Variants in FAM118A observed in about 807,000 individuals in gnomAD.
The protein encoded by FAM118A is protein FAM118A.
Under a neutral mutation model 38.2 loss-of-function variants are expected in FAM118A, and 25 were observed. The ratio of observed to expected loss-of-function variants is 0.65; its 90% CI spans 0.48 to 0.91. The LOEUF (loss-of-function observed/expected upper bound fraction) is 0.91. Among genes scored for constraint, FAM118A ranks in the 40% least tolerant of loss-of-function variants. FAM118A has a pLI of 0.00. For missense variants in FAM118A, 425 were observed against 463.3 expected, an observed-to-expected ratio of 0.92 and a Z score of 0.76; for synonymous variants, 178 against 184.1, an observed-to-expected ratio of 0.97 and a Z score of 0.27.
chr22:45,335,733 C>G (rs902682920), intron 7 of FAM118A, among the ~76,000 whole-genome samples: 1 of 152,252 alleles, frequency 6.6e-6, no homozygotes, highest in South Asian at 2.1e-4. Flanking sequence ...CCCAGCTCTT[C>G]CGAAATGTTC....
At chr22:45,310,457 C>A (rs764116341) in intron 1 of FAM118A, among the ~76,000 whole-genome samples, 1 of 152,116 alleles carries the variant, frequency 6.6e-6, no homozygotes, top group African/African-American at 2.4e-5. Context: ...TCTCGAGGTT[C>A]CCTTGGGACT....
chr22:45,326,642 C>G (rs1489391542), intron 3 of FAM118A, among the ~76,000 whole-genome samples: 1 of 151,924 alleles, frequency 6.6e-6, no homozygotes, highest in Admixed American at 6.6e-5. Context: ...GCCTGGCCAA[C>G]ATGGTGAAAC....
chr22:45,330,738 C>T lies in FAM118A; in HGVS notation c.651+7C>T, dbSNP rs779540863. On this transcript the variant is annotated splice_region_variant and intron_variant, in intron 5 of 8. Coordinates refer to ENST00000441876, the MANE Select transcript of FAM118A (RefSeq NM_017911.4). The stretch of plus-strand genomic sequence containing the variant: ...TCAAGACGCAGAAGTCATGGTACGG[C>T]CCGTCCTAATTAGCATCGGTGCGTC... The T allele has an allele frequency of 7.7e-6, 12 of 1,551,016 alleles. No individual in the cohort carries two copies. The highest frequency in any genetic ancestry group is 1.7e-4 in the Middle Eastern group (1 of 5,790).
chr22:45,326,620 A>T (rs1319505405), intron 3 of FAM118A, among the ~76,000 whole-genome samples: 1 of 152,028 alleles, frequency 6.6e-6, no homozygotes, highest in Non-Finnish European at 1.5e-5. Flanking sequence ...TGAGGTCAGG[A>T]GTTTGAGACC....
At position 45,330,407 on chromosome 22, in the gene FAM118A, G is replaced by A. The variant is rs369093099; in HGVS notation, c.523-196G>A. 5.4e-5 allele frequency: 24 copies of A among 444,630 alleles called. 1 individual carries two copies. The highest frequency in any genetic ancestry group is 4.8e-4 in the East Asian group (11 of 23,150). 27.5% of individuals were successfully genotyped at this position (444,630 alleles called of 1,614,324 possible). A position where few individuals can be genotyped will look rare whatever the true frequency, so the allele number is the denominator to read the frequency against. ...CAGGTTTTACAGGTGTGACTGTACCGTCGTAGGACGGGAATAACTAGGGCT... is the reference window on the plus strand; with the variant it reads ...CAGGTTTTACAGGTGTGACTGTACCATCGTAGGACGGGAATAACTAGGGCT... On this transcript the variant is annotated intron_variant, in intron 4 of 8. Transcript: ENST00000441876.
At chr22:45,316,089 G>T (rs1006888044) in intron 1 of FAM118A, among the ~76,000 whole-genome samples, 1 of 152,308 alleles carries the variant, frequency 6.6e-6, no homozygotes, top group East Asian at 1.9e-4. Flanking sequence ...ACTCAGTGTG[G>T]AGTGCAGTGG....
chr22:45,335,870 G>C (rs954034372), intron 7 of FAM118A, among the ~76,000 whole-genome samples: 1 of 152,186 alleles, frequency 6.6e-6, no homozygotes, highest in African/African-American at 2.4e-5. Flanking sequence ...GGCCATGAGC[G>C]TCCTCCTGTG....
intron 1 of FAM118A, among the ~76,000 whole-genome samples, chr22:45,312,783 G>C (rs2084428229): frequency 6.6e-6 from 1 of 152,150 alleles, no homozygotes; most frequent in African/African-American, 2.4e-5. Flanking sequence ...GTGAGGCGTG[G>C]GGGATGCTGT....
chr22:45,311,263 C>T (rs1035518088), intron 1 of FAM118A, among the ~76,000 whole-genome samples: 8 of 152,188 alleles, frequency 5.3e-5, no homozygotes, highest in Admixed American at 3.3e-4. Context: ...GAGGCTGCCA[C>T]GGCACACAGT....
At position 45,328,344 on chromosome 22, in the gene FAM118A, C is replaced by T. The variant is rs771892056; in HGVS notation, c.522+281C>T. On this transcript the variant is annotated intron_variant, in intron 4 of 8. Coordinates refer to ENST00000441876, the MANE Select transcript of FAM118A (RefSeq NM_017911.4). ...GGGGGTGCGGGAGGCCTTTGGCCGG[C>T]GGCAGAACAAGCCCATGGAGTCCCT... 18 of 1,057,990 alleles carry T rather than the reference C, an allele frequency of 1.7e-5. 1 individual carries two copies. The highest frequency in any genetic ancestry group is 1.7e-4 in the East Asian group (7 of 41,496). 65.5% of individuals were successfully genotyped at this position (1,057,990 alleles called of 1,614,324 possible).
intron 1 of FAM118A, chr22:45,318,410 G>A (rs1407892270): frequency 1.3e-5 from 2 of 152,148 alleles, no homozygotes; most frequent in African/African-American, 4.8e-5. Flanking sequence ...AAAGGCCTCC[G>A]AAGGGTTTTG....
chr22:45,315,586 G>A (rs953128904), intron 1 of FAM118A, among the ~76,000 whole-genome samples: 1 of 152,184 alleles, frequency 6.6e-6, no homozygotes. Context: ...TGCATGTTGG[G>A]ATCCCCATTT....
At chr22:45,338,012 T>A in intron 8 of FAM118A, 2 of 465,484 alleles carry the variant, frequency 4.3e-6, no homozygotes, top group Non-Finnish European at 5.6e-6. Flanking sequence ...GATCCTCTTT[T>A]CCCTTGATTA....
intron 5 of FAM118A, 37 bp from the exon 6 acceptor site, chr22:45,332,388 C>A: frequency 1.9e-6 from 3 of 1,584,796 alleles, no homozygotes; most frequent in South Asian, 1.2e-5. Context: ...TGCTGTCTTT[C>A]AAATGAGCAC....
rs956211866 is a variant in FAM118A, at chr22:45,322,443, A to G, written c.47+17A>G. On this transcript the variant is annotated intron_variant, in intron 2 of 8. Transcript: ENST00000441876. ...AAAATCCAGGTAATTAAAGGCAACT[A>G]TACCTTCAAGCAGCTTCATTGACTT... 99 of 1,603,118 alleles carry G rather than the reference A, an allele frequency of 6.2e-5. 1 individual carries two copies. The highest frequency in any genetic ancestry group is 7.7e-5 in the Non-Finnish European group (91 of 1,175,062).
chr22:45,330,674 C>T lies in FAM118A; in HGVS notation c.594C>T (p.Cys198=), dbSNP rs1025150194. The T allele has an allele frequency of 4.4e-6, 7 of 1,604,488 alleles. No homozygotes were observed. Among genetic ancestry groups the T allele is most frequent in the Non-Finnish European group, 5.9e-6 (7 of 1,176,638 alleles). The change falls in exon 5 of 9, where the codon TGC becomes TGT. Residue 198 remains cysteine, a synonymous_variant. Transcript: ENST00000441876. ...LHIHGLYTDP[C]GVVLDPSGYK... ...TTCACGGCCTCTACACGGACCCCTG[C>T]GGGGTGGTGCTGGACCCATCGGGGT...
intron 3 of FAM118A, among the ~76,000 whole-genome samples, chr22:45,323,979 G>A (rs1275411901): frequency 6.6e-6 from 1 of 152,228 alleles, no homozygotes; most frequent in Non-Finnish European, 1.5e-5. Context: ...TGTTGTCCCC[G>A]TCAGCTATGG....
chr22:45,326,051 G>A (rs1416073286), intron 3 of FAM118A, among the ~76,000 whole-genome samples: 2 of 152,034 alleles, frequency 1.3e-5, no homozygotes, highest in Admixed American at 6.5e-5. Context: ...TTCTTGTGCC[G>A]GCCAAGCAAC....
intron 3 of FAM118A, among the ~76,000 whole-genome samples, chr22:45,323,650 A>T (rs752415820): frequency 5.9e-5 from 9 of 152,180 alleles, no homozygotes; most frequent in Non-Finnish European, 1.2e-4. Flanking sequence ...GCTCCTATTA[A>T]ATGGAGCCTG....
Sources: gnomAD v4.1 joint callset for allele counts (sites outside exome capture counted in the v4.1 genomes callset) on GRCh38, gnomAD v4.1.1 for gene constraint, MANE v1.5 for transcripts, NCBI Gene and HGNC (gene_info 2026-07-23, HGNC 2026-07-21) for gene names.